LSAMP: variants seen among roughly 807,000 people sequenced by gnomAD.
The protein encoded by LSAMP is limbic system associated membrane protein, also known as limbic system-associated membrane protein.
In LSAMP, 7 loss-of-function variants were observed where a neutral mutation model predicts 38.6. That is an observed-to-expected ratio of 0.18 (90% CI 0.10 to 0.34). The LOEUF is 0.34. Ranked by LOEUF, LSAMP falls within the 10% of genes least tolerant of loss-of-function variation. LSAMP has a pLI of 1.00. For missense variants in LSAMP, 313 were observed against 420.0 expected, an observed-to-expected ratio of 0.75 and a Z score of 2.23; for synonymous variants, 154 against 166.8, an observed-to-expected ratio of 0.92 and a Z score of 0.59.
At chr3:116,208,304 A>G (rs1434115524) in intron 1 of LSAMP, among the ~76,000 whole-genome samples, 1 of 149,430 alleles carries the variant, frequency 6.7e-6, no homozygotes, top group Non-Finnish European at 1.5e-5. Context: ...ACATTCTTCT[A>G]AATTTTTTTC....
chr3:115,845,218 C>T (rs1045969753), intron 4 of LSAMP, among the ~76,000 whole-genome samples: 52 of 152,216 alleles, frequency 3.4e-4, no homozygotes, highest in African/African-American at 1.1e-3. Flanking sequence ...TATTAGTTTC[C>T]AGTCCTCATT....
At chr3:115,964,178 T>G (rs1938720491) in intron 3 of LSAMP, among the ~76,000 whole-genome samples, 1 of 152,194 alleles carries the variant, frequency 6.6e-6, no homozygotes, top group South Asian at 2.1e-4. Flanking sequence ...TGGCACTTAT[T>G]TTTGGTGTTT....
chr3:116,018,193 A>T (rs538966959), intron 3 of LSAMP, among the ~76,000 whole-genome samples: 6 of 152,248 alleles, frequency 3.9e-5, no homozygotes, highest in African/African-American at 1.4e-4. Context: ...ATGGGTTTTG[A>T]GTGACACTTT....
intron 6 of LSAMP, among the ~76,000 whole-genome samples, chr3:115,816,891 A>G (rs918600947): frequency 1.3e-5 from 2 of 152,236 alleles, no homozygotes; most frequent in Non-Finnish European, 2.9e-5. Flanking sequence ...CAAATACCTG[A>G]TGCTACATTG....
At chr3:116,192,841 C>A (rs1039745214) in intron 1 of LSAMP, among the ~76,000 whole-genome samples, 1 of 152,136 alleles carries the variant, frequency 6.6e-6, no homozygotes, top group East Asian at 1.9e-4. Context: ...GAAAGCCTGG[C>A]TAATGATCAG....
chr3:116,222,768 T>C (rs577590372), intron 1 of LSAMP, among the ~76,000 whole-genome samples: 3 of 122,716 alleles, frequency 2.4e-5, no homozygotes, highest in African/African-American at 8.7e-5. Flanking sequence ...AGATGGAGTC[T>C]CTGTTCGCCC....
intron 1 of LSAMP, among the ~76,000 whole-genome samples, chr3:116,433,971 A>G (rs1343991948): frequency 6.6e-6 from 1 of 152,044 alleles, no homozygotes; most frequent in African/African-American, 2.4e-5. Flanking sequence ...TTCCCAAAAT[A>G]CCCCCATTTG....
At chr3:116,366,290 G>A (rs1409616590) in intron 1 of LSAMP, among the ~76,000 whole-genome samples, 2 of 152,118 alleles carry the variant, frequency 1.3e-5, no homozygotes, top group Non-Finnish European at 2.9e-5. Flanking sequence ...CTACCAAACT[G>A]AGCAAGGAGA....
At chr3:116,013,651 T>G (rs1202728993) in intron 3 of LSAMP, among the ~76,000 whole-genome samples, 1 of 152,150 alleles carries the variant, frequency 6.6e-6, no homozygotes, top group Non-Finnish European at 1.5e-5. Flanking sequence ...AATATACAAG[T>G]AAGGCACTGA....
chr3:116,314,501 C>T (rs1328374149), intron 1 of LSAMP, among the ~76,000 whole-genome samples: 1 of 152,108 alleles, frequency 6.6e-6, no homozygotes, highest in Non-Finnish European at 1.5e-5. Flanking sequence ...TGAGATCTCA[C>T]AGGAGAATTT....
rs148831827 is a variant in LSAMP, at chr3:116,272,149, AAT to A, written c.155+172726_155+172727del. 7.9e-4 allele frequency among the ~76,000 whole-genome samples: 119 copies of A among 150,502 alleles called. 1 individual carries two copies. Among genetic ancestry groups the A allele is most frequent in the African/African-American group, 2.4e-3 (97 of 41,088 alleles). On this transcript the variant is annotated intron_variant, in intron 1 of 6. Transcript: ENST00000490035. The stretch of plus-strand genomic sequence containing the variant: ...TAAATTACAGTTCCATAAACAAATA[AAT>A]ATATATATATATAATAAAAACAACA...
chr3:116,223,171 A>G, intron 1 of LSAMP, among the ~76,000 whole-genome samples: 1 of 152,192 alleles, frequency 6.6e-6, no homozygotes, highest in Non-Finnish European at 1.5e-5. Context: ...AAAATACTTA[A>G]GAGGTTGAAA....
At chr3:116,400,834 C>T (rs757580727) in intron 1 of LSAMP, among the ~76,000 whole-genome samples, 20 of 152,132 alleles carry the variant, frequency 1.3e-4, no homozygotes, top group Non-Finnish European at 2.2e-4. Context: ...TTTCCACATT[C>T]TACCTTTTAT....
intron 3 of LSAMP, among the ~76,000 whole-genome samples, chr3:115,963,561 T>G (rs1188703665): frequency 6.6e-6 from 1 of 152,196 alleles, no homozygotes; most frequent in East Asian, 1.9e-4. Flanking sequence ...GACAAAACTC[T>G]GACCATTAGA....
chr3:116,096,567 C>G (rs983648782), intron 1 of LSAMP, among the ~76,000 whole-genome samples: 3 of 152,208 alleles, frequency 2.0e-5, no homozygotes, highest in Admixed American at 6.5e-5. Flanking sequence ...CTAATGCCAT[C>G]TCTGGAACAC....
chr3:115,942,557 T>C (rs547574450), intron 3 of LSAMP, among the ~76,000 whole-genome samples: 119 of 152,176 alleles, frequency 7.8e-4, no homozygotes, highest in Non-Finnish European at 1.3e-3. Flanking sequence ...TGAACTGCAA[T>C]GTTTATAGTT....
At chr3:116,101,971 T>A (rs1046045893) in intron 1 of LSAMP, among the ~76,000 whole-genome samples, 5 of 152,220 alleles carry the variant, frequency 3.3e-5, no homozygotes, top group African/African-American at 7.2e-5. Flanking sequence ...GGATTGTGAT[T>A]AGATCATAAT....
intron 3 of LSAMP, among the ~76,000 whole-genome samples, chr3:115,910,105 G>A (rs888999633): frequency 1.3e-5 from 2 of 152,000 alleles, no homozygotes; most frequent in African/African-American, 2.4e-5. Flanking sequence ...AGAAAACATT[G>A]TTCTTATTCC....
At chr3:116,403,684 G>GT (rs2048866846) in intron 1 of LSAMP, among the ~76,000 whole-genome samples, 1 of 151,928 alleles carries the variant, frequency 6.6e-6, no homozygotes, top group Admixed American at 6.6e-5. Flanking sequence ...TGCAGTGAAT[G>GT]TGTCTCATAC....
Sources: gnomAD v4.1 joint callset for allele counts (sites outside exome capture counted in the v4.1 genomes callset) on GRCh38, gnomAD v4.1.1 for gene constraint, MANE v1.5 for transcripts, NCBI Gene and HGNC (gene_info 2026-07-23, HGNC 2026-07-21) for gene names.